YME1L1: variants seen among roughly 807,000 people sequenced by gnomAD.
YME1L1 encodes ATP-dependent zinc metalloprotease YME1L1.
Under a neutral mutation model 90.4 loss-of-function variants are expected in YME1L1, and 39 were observed. The observed-to-expected ratio is 0.43, with a 90% CI of 0.33 to 0.56. The LOEUF is 0.56. YME1L1 is among the 20% of genes least tolerant of loss of function. The pLI is 0.03. For synonymous variants in YME1L1, 284 were observed against 287.3 expected, an observed-to-expected ratio of 0.99 and a Z score of 0.12; for missense variants, 617 against 868.4, an observed-to-expected ratio of 0.71 and a Z score of 3.64.
chr10:27,143,293 C>T (rs554122510), intron 3 of YME1L1, among the ~76,000 whole-genome samples: 12 of 151,034 alleles, frequency 7.9e-5, no homozygotes, highest in East Asian at 4.0e-4. Flanking sequence ...CACTTGAACC[C>T]GGGAGGGAGA....
At chr10:27,136,856 C>G (rs1349828445) in intron 4 of YME1L1, among the ~76,000 whole-genome samples, 1 of 152,006 alleles carries the variant, frequency 6.6e-6, no homozygotes, top group Non-Finnish European at 1.5e-5. Flanking sequence ...CTCCTAACCT[C>G]AGGTGATCCA....
chr10:27,133,126 A>C (rs1317588762), intron 7 of YME1L1, among the ~76,000 whole-genome samples: 1 of 152,230 alleles, frequency 6.6e-6, no homozygotes, highest in Non-Finnish European at 1.5e-5. Context: ...GACACACATT[A>C]ATAAAAAATT....
Position 27,148,942 on chromosome 10 carries a change from T to G in YME1L1, c.132A>C (p.Arg44=). 1 of 1,614,048 alleles carries G rather than the reference T, an allele frequency of 6.2e-7. No homozygotes were observed. Among genetic ancestry groups the G allele is most frequent in the South Asian group, 1.1e-5 (1 of 91,064 alleles). Residue 44 remains arginine, a synonymous_variant, in exon 2 of 19, where the codon CGA becomes CGC. Coordinates refer to ENST00000376016, the MANE Select transcript of YME1L1 (RefSeq NM_014263.4). ...GAGCCTCATGCTCAGGAACTACATC[T>G]CGATGCTGGTTTTGAGAAACTGACA... The part of the protein sequence containing the change: ...SGVSVSQNQH[R]DVVPEHEAPS...
intron 1 of YME1L1, 58 bp from the exon 2 acceptor site, chr10:27,149,098 C>A (rs903461080): frequency 6.9e-7 from 1 of 1,439,900 alleles, no homozygotes; most frequent in Non-Finnish European, 9.5e-7. Context: ...ACAGAACAAT[C>A]TCCTTTTTTT....
chr10:27,126,670 A>G, intron 9 of YME1L1, 26 bp downstream of exon 9: 1 of 1,282,122 alleles, frequency 7.8e-7, no homozygotes, highest in Non-Finnish European at 1.1e-6. Flanking sequence ...TTTCCATCAA[A>G]TCATGATAAA....
At chr10:27,116,154 A>G in intron 16 of YME1L1, 21 bp from the exon 17 acceptor site, 2 of 1,613,546 alleles carry the variant, frequency 1.2e-6, no homozygotes, top group Non-Finnish European at 1.7e-6. Flanking sequence ...ATAAAAACAT[A>G]CCATTTTAAA....
intron 11 of YME1L1, among the ~76,000 whole-genome samples, chr10:27,122,018 G>C (rs944199101): frequency 1.3e-5 from 2 of 152,204 alleles, no homozygotes; most frequent in Middle Eastern, 3.4e-3. Context: ...TTATAGGCTT[G>C]AGCTACTGTG....
At chr10:27,133,264 A>AG (rs34637064) in intron 7 of YME1L1, among the ~76,000 whole-genome samples, 22,092 of 152,290 alleles carry the variant, frequency 0.15, 1,919 homozygotes, top group Admixed American at 0.23. Context: ...AAAGTCTGAT[A>AG]GGAGAGTAAA....
In YME1L1 at chr10:27,129,043, G is replaced by A. The variant is rs188360246; in HGVS notation, c.859-2257C>T. Reference sequence around the variant, plus strand: ...CAAAGCTGCAGTGAGCCATGATCATGCCACTGCACTCCAGCCTGGGCAAGA... The same window carrying A: ...CAAAGCTGCAGTGAGCCATGATCATACCACTGCACTCCAGCCTGGGCAAGA... On this transcript the variant is annotated intron_variant, in intron 8 of 18. Coordinates refer to ENST00000376016, the MANE Select transcript of YME1L1 (RefSeq NM_014263.4). Among the ~76,000 whole-genome samples the A allele has an allele frequency of 5.3e-3, 657 of 123,228 alleles. 6 individuals carry two copies. Among genetic ancestry groups the A allele is most frequent in the African/African-American group, 0.02 (634 of 32,126 alleles). 80.8% of individuals were successfully genotyped at this position (123,228 alleles called of 152,430 possible).
At chr10:27,118,260 G>C (rs2056833373) in intron 14 of YME1L1, among the ~76,000 whole-genome samples, 1 of 152,094 alleles carries the variant, frequency 6.6e-6, no homozygotes, top group African/African-American at 2.4e-5. Context: ...ACAGGCATGT[G>C]CCACTGCACC....
At chr10:27,117,971 G>A (rs1255139016) in intron 14 of YME1L1, among the ~76,000 whole-genome samples, 1 of 152,168 alleles carries the variant, frequency 6.6e-6, no homozygotes, top group African/African-American at 2.4e-5. Flanking sequence ...ATCTAGAGAT[G>A]ATTTGAAGTA....
intron 7 of YME1L1, among the ~76,000 whole-genome samples, chr10:27,133,051 A>G (rs1181448731): frequency 6.6e-6 from 1 of 152,186 alleles, no homozygotes; most frequent in Admixed American, 6.5e-5. Context: ...AAACACTTCA[A>G]TTATTCTAAT....
At position 27,143,624 on chromosome 10, in the gene YME1L1, G is replaced by A. The variant is rs568640655; in HGVS notation, c.332-1139C>T. Among the ~76,000 whole-genome samples the A allele has an allele frequency of 7.8e-4, 116 of 149,332 alleles. 1 individual carries two copies. In the South Asian group the frequency reaches 0.014, roughly 18 times the overall value. On this transcript the variant is annotated intron_variant, in intron 3 of 18. Transcript: ENST00000376016. ...GAGGCAGGAGAATGGCGTGAACTGGGAAGGCAGAGCTTACAGTGAGCCGAG... is the reference window on the plus strand; with the variant it reads ...GAGGCAGGAGAATGGCGTGAACTGGAAAGGCAGAGCTTACAGTGAGCCGAG...
chr10:27,125,985 A>AT (rs2056915437), intron 9 of YME1L1, among the ~76,000 whole-genome samples: 1 of 152,054 alleles, frequency 6.6e-6, no homozygotes, highest in South Asian at 2.1e-4. Flanking sequence ...TAATGTCCTA[A>AT]TTTTAATATT....
chr10:27,129,412 A>G (rs983200464), intron 8 of YME1L1: 2 of 152,328 alleles, frequency 1.3e-5, no homozygotes, highest in South Asian at 2.1e-4. Flanking sequence ...ATGATTCCCA[A>G]TGCCTTATTC....
intron 8 of YME1L1, among the ~76,000 whole-genome samples, chr10:27,130,678 C>T (rs11015560): frequency 0.24 from 36,477 of 151,790 alleles, 4,887 homozygotes; most frequent in East Asian, 0.56. Context: ...ATGGTAAAAC[C>T]CTGTTTCTAC....
chr10:27,154,372 T>G lies in YME1L1; in HGVS notation c.-162A>C. 3 of 792,512 alleles carry G rather than the reference T, an allele frequency of 3.8e-6. 1 individual carries two copies. The highest frequency in any genetic ancestry group is 3.6e-5 in the South Asian group (2 of 55,186). 49.1% of individuals were successfully genotyped at this position (792,512 alleles called of 1,614,324 possible). On this transcript the variant is annotated 5_prime_UTR_variant, in exon 1 of 19. Coordinates refer to ENST00000376016, the MANE Select transcript of YME1L1 (RefSeq NM_014263.4). ...AATGGCCTCCCCTTCCTACAGCTAC[T>G]GCAACGACAGACAATCCGCCCCGGA...
chr10:27,121,497 C>T (rs746483167), intron 11 of YME1L1, 49 bp from the exon 12 acceptor site: 2 of 1,306,128 alleles, frequency 1.5e-6, no homozygotes, highest in Non-Finnish European at 2.2e-6. Flanking sequence ...AAGCACAGCA[C>T]ACATGTAGAA....
chr10:27,143,496 C>T (rs1302715484), intron 3 of YME1L1, among the ~76,000 whole-genome samples: 1 of 151,556 alleles, frequency 6.6e-6, no homozygotes, highest in Non-Finnish European at 1.5e-5. Context: ...TCAGGAGATA[C>T]AGACCATCCT....
Sources: gnomAD v4.1 joint callset for allele counts (sites outside exome capture counted in the v4.1 genomes callset) on GRCh38, gnomAD v4.1.1 for gene constraint, MANE v1.5 for transcripts, NCBI Gene and HGNC (gene_info 2026-07-23, HGNC 2026-07-21) for gene names.